The following LRP6 variants were observed in gnomAD, a reference collection of about 807,000 sequenced individuals.
The protein encoded by LRP6 is LDL receptor related protein 6.
A neutral mutation model predicts 184.1 loss-of-function variants in LRP6; 43 were observed. The observed-to-expected ratio is 0.23, with a 90% CI of 0.18 to 0.30. LRP6 has a LOEUF of 0.30. Among genes scored for constraint, LRP6 ranks in the 10% least tolerant of loss-of-function variants. The pLI, the probability that LRP6 is intolerant of heterozygous loss-of-function variation, is 1.00. For synonymous variants in LRP6, 719 were observed against 684.9 expected (o/e 1.05, Z -0.78); for missense variants, 1,571 against 2,005.3 (o/e 0.78, Z 4.14).
chr12:12,213,287 T>C (rs1864257544), intron 2 of LRP6, among the ~76,000 whole-genome samples: 1 of 152,118 alleles, frequency 6.6e-6, no homozygotes, highest in Non-Finnish European at 1.5e-5. Context: ...TTTTATAAAA[T>C]TAATACATTT....
chr12:12,165,496 C>A (rs1042980360), intron 7 of LRP6, among the ~76,000 whole-genome samples: 1 of 152,064 alleles, frequency 6.6e-6, no homozygotes, highest in African/African-American at 2.4e-5. Context: ...CCACTTTTCC[C>A]CCCAATCTCA....
rs945330372 is a variant in LRP6 at position 12,149,139 on chromosome 12, A to G, written c.3009T>C (p.Val1003=). ...QEDGSQGFTV[V]VSSVPSQNLE... is the part of the protein sequence containing the mutation. ...GGTTCTGACTCGGAACTGAGCTCAC[A>G]ACCACAGTAAAGCCCTAGGGAAAAA... The change falls in exon 14 of 23, where the codon GTT becomes GTC. Residue 1003 remains valine, a synonymous_variant. Transcript: ENST00000261349. 3 of 1,613,852 alleles carry G rather than the reference A, an allele frequency of 1.9e-6. No homozygotes were observed. The highest frequency in any genetic ancestry group is 2.5e-6 in the Non-Finnish European group (3 of 1,179,896).
chr12:12,257,778 A>AC (rs2135940596), intron 1 of LRP6, among the ~76,000 whole-genome samples: 1 of 116,796 alleles, frequency 8.6e-6, no homozygotes, highest in African/African-American at 3.5e-5. Context: ...CCCTGTCTCT[A>AC]CAAAAAAAAA....
intron 16 of LRP6, among the ~76,000 whole-genome samples, chr12:12,135,593 A>C (rs1949827435): frequency 6.6e-6 from 1 of 151,336 alleles, no homozygotes; most frequent in Non-Finnish European, 1.5e-5. Context: ...TCCCAGGTTC[A>C]AGTGCTTCTC....
intron 2 of LRP6, among the ~76,000 whole-genome samples, chr12:12,238,732 C>T (rs1425665124): frequency 2.0e-5 from 3 of 151,902 alleles, no homozygotes; most frequent in African/African-American, 7.2e-5. Flanking sequence ...TATTAACAGA[C>T]GCTTATTGAA....
rs78424616 is a variant in LRP6 at position 12,128,214 on chromosome 12, G to C, written c.4082-1293C>G. 4.9e-3 allele frequency among the ~76,000 whole-genome samples: 750 copies of C among 151,972 alleles called. 7 individuals are homozygous for C. The highest frequency in any genetic ancestry group is 0.016 in the African/African-American group (683 of 41,434). On this transcript the variant is annotated intron_variant, in intron 19 of 22. Coordinates refer to ENST00000261349, the MANE Select transcript of LRP6 (RefSeq NM_002336.3). ...CTAACCTCTTTACACAATACTGCTG[G>C]CTCCTGTCTTCTCTTTAAAAAAAAG... is the stretch of plus-strand genomic sequence containing the variant.
At chr12:12,246,153 C>G (rs1190575452) in intron 1 of LRP6, among the ~76,000 whole-genome samples, 1 of 151,764 alleles carries the variant, frequency 6.6e-6, no homozygotes. Flanking sequence ...CAGGTGCCCA[C>G]CACTATGGGT....
intron 7 of LRP6, among the ~76,000 whole-genome samples, chr12:12,165,929 AG>A (rs34851138): frequency 6.6e-6 from 1 of 152,190 alleles, no homozygotes; most frequent in African/African-American, 2.4e-5. Context: ...TCAAGAAACT[AG>A]GATGTACCTT....
chr12:12,191,953 T>A (rs916767348), intron 3 of LRP6, among the ~76,000 whole-genome samples: 3 of 152,122 alleles, frequency 2.0e-5, no homozygotes, highest in African/African-American at 4.8e-5. Flanking sequence ...TGACTCCAGA[T>A]GGTAACTTGA....
Position 12,141,081 on chromosome 12 carries a change from T to C in LRP6, c.3398-2547A>G, listed in dbSNP as rs970236325. Among the ~76,000 whole-genome samples the C allele has an allele frequency of 2.0e-5, 3 of 151,340 alleles. No homozygotes were observed. The East Asian group carries it at 5.8e-4, about 29-fold the overall frequency. On this transcript the variant is annotated intron_variant, in intron 15 of 22. Transcript: ENST00000261349. ...GCAAAGAATACTTAATCACAAAGTATTGAATGCTTCCCCCAAGCTCAAGGG... is the reference window on the plus strand; with the variant it reads ...GCAAAGAATACTTAATCACAAAGTACTGAATGCTTCCCCCAAGCTCAAGGG...
chr12:12,227,629 G>A (rs566466550), intron 2 of LRP6, among the ~76,000 whole-genome samples: 2 of 152,058 alleles, frequency 1.3e-5, no homozygotes, highest in Non-Finnish European at 2.9e-5. Flanking sequence ...GGCTGGTCTC[G>A]AACTCCTGAC....
chr12:12,220,125 T>C, intron 2 of LRP6, among the ~76,000 whole-genome samples: 1 of 152,016 alleles, frequency 6.6e-6, no homozygotes, highest in East Asian at 1.9e-4. Flanking sequence ...CTGTCTCTAC[T>C]AAAAATGCAA....
intron 19 of LRP6, 93 bp from the exon 20 acceptor site, chr12:12,127,014 G>T: frequency 2.0e-6 from 2 of 1,012,822 alleles, no homozygotes; most frequent in Non-Finnish European, 1.5e-6. Context: ...AGGATGTGAA[G>T]CTATAAGCCT....
intron 2 of LRP6, among the ~76,000 whole-genome samples, chr12:12,224,995 G>A (rs193258653): frequency 5.9e-5 from 9 of 152,036 alleles, no homozygotes; most frequent in Admixed American, 2.0e-4. Flanking sequence ...ACCTGAGGTC[G>A]GGAGTTCTAG....
intron 7 of LRP6, among the ~76,000 whole-genome samples, chr12:12,167,616 C>G (rs572410940): frequency 6.6e-5 from 10 of 150,864 alleles, no homozygotes; most frequent in Non-Finnish European, 1.5e-5. Context: ...GCACTCCAAC[C>G]TGGCAACAAA....
intron 15 of LRP6, among the ~76,000 whole-genome samples, chr12:12,139,430 G>T (rs889590308): frequency 6.6e-6 from 1 of 152,136 alleles, no homozygotes; most frequent in East Asian, 1.9e-4. Flanking sequence ...TATGGTGATT[G>T]AAAAAATTTT....
rs551457396 is a variant in LRP6 at position 12,156,116 on chromosome 12, T to G, written c.2791+2713A>C. On this transcript the variant is annotated intron_variant, in intron 12 of 22. Transcript: ENST00000261349. The stretch of plus-strand genomic sequence containing the variant: ...ATAATACATAAAGAGGTGAAAGTGC[T>G]ATGGGAAAAAGAAAAGAAAAAGTAC... Among the ~76,000 whole-genome samples the G allele has an allele frequency of 2.6e-5, 4 of 152,214 alleles. No homozygotes were observed. The East Asian group carries it at 7.7e-4, about 29-fold the overall frequency.
chr12:12,144,914 G>C (rs1238934314), intron 15 of LRP6, among the ~76,000 whole-genome samples: 1 of 151,508 alleles, frequency 6.6e-6, no homozygotes, highest in Admixed American at 6.6e-5. Context: ...GGCCTGTCGG[G>C]GGGTGGGGGG....
At chr12:12,197,951 G>A (rs1402561964) in intron 3 of LRP6, among the ~76,000 whole-genome samples, 1 of 152,222 alleles carries the variant, frequency 6.6e-6, no homozygotes, top group Non-Finnish European at 1.5e-5. Flanking sequence ...GGCTCAAGGT[G>A]GGAGGATAGC....
Sources: allele counts gnomAD v4.1 joint callset (sites outside exome capture counted in the v4.1 genomes callset), GRCh38; gene constraint gnomAD v4.1.1; transcripts MANE v1.5; gene names NCBI Gene and HGNC (gene_info 2026-07-23, HGNC 2026-07-21).